Variants in SNTB1 observed in about 807,000 individuals in gnomAD.
SNTB1 encodes syntrophin beta 1.
Under a neutral mutation model 48.9 loss-of-function variants are expected in SNTB1, and 36 were observed. The ratio of observed to expected loss-of-function variants is 0.74; its 90% confidence interval spans 0.56 to 0.97. The LOEUF (loss-of-function observed/expected upper bound fraction) is 0.97. Ranked by LOEUF, SNTB1 falls within the 50% of genes least tolerant of loss-of-function variation. The pLI is 0.00. For synonymous variants in SNTB1, 299 were observed against 294.6 expected (o/e 1.01, Z -0.15); for missense variants, 786 against 703.4 (o/e 1.12, Z -1.33).
At chr8:120,765,692 C>G (rs1397181416) in intron 1 of SNTB1, 1 of 152,170 alleles carries the variant, frequency 6.6e-6, no homozygotes, top group Non-Finnish European at 1.5e-5. Context: ...CCCTCATGAC[C>G]TAAACACTAC....
chr8:120,688,119 A>G (rs746676783), intron 2 of SNTB1, among the ~76,000 whole-genome samples: 3 of 152,242 alleles, frequency 2.0e-5, no homozygotes, highest in African/African-American at 4.8e-5. Flanking sequence ...AGAGATGTAC[A>G]CTGTTTCCCA....
At chr8:120,809,177 T>C (rs1392013635) in intron 1 of SNTB1, among the ~76,000 whole-genome samples, 1 of 152,222 alleles carries the variant, frequency 6.6e-6, no homozygotes, top group African/African-American at 2.4e-5. Context: ...ACCATTGCAT[T>C]GAGAATGAAC....
intron 1 of SNTB1, among the ~76,000 whole-genome samples, chr8:120,777,885 A>C (rs565867537): frequency 6.6e-6 from 1 of 152,360 alleles, no homozygotes; most frequent in Non-Finnish European, 1.5e-5. Flanking sequence ...AGCACTGTTG[A>C]AAGTAACTGA....
At chr8:120,685,771 T>C (rs972709875) in intron 2 of SNTB1, among the ~76,000 whole-genome samples, 1 of 152,220 alleles carries the variant, frequency 6.6e-6, no homozygotes, top group Non-Finnish European at 1.5e-5. Context: ...TGATTATACA[T>C]TCCATTTTTA....
At chr8:120,744,253 C>T (rs1470597925) in intron 1 of SNTB1, among the ~76,000 whole-genome samples, 5 of 151,976 alleles carry the variant, frequency 3.3e-5, no homozygotes, top group Admixed American at 3.3e-4. Flanking sequence ...TGGAAGAGTA[C>T]ATCTACATCT....
intron 3 of SNTB1, among the ~76,000 whole-genome samples, chr8:120,594,711 G>A (rs879934399): frequency 2.0e-5 from 3 of 152,156 alleles, no homozygotes; most frequent in Non-Finnish European, 4.4e-5. Context: ...ATGATTTCAA[G>A]TGAATTATTT....
intron 1 of SNTB1, among the ~76,000 whole-genome samples, chr8:120,770,518 T>C (rs1819605894): frequency 6.6e-6 from 1 of 152,106 alleles, no homozygotes; most frequent in South Asian, 2.1e-4. Context: ...TCTTTGAAAG[T>C]ACACACCTTT....
intron 3 of SNTB1, among the ~76,000 whole-genome samples, chr8:120,593,581 G>A (rs937001536): frequency 8.5e-5 from 13 of 152,166 alleles, no homozygotes; most frequent in South Asian, 4.1e-4. Flanking sequence ...GAAGAAATGA[G>A]TCCATTTAAT....
At chr8:120,655,102 G>A in intron 2 of SNTB1, 1 of 320,800 alleles carries the variant, frequency 3.1e-6, no homozygotes, top group South Asian at 2.4e-5. Context: ...ACATTTTGGG[G>A]TGTTTTTATT....
intron 1 of SNTB1, among the ~76,000 whole-genome samples, chr8:120,698,870 A>G (rs1818256938): frequency 6.6e-6 from 1 of 152,174 alleles, no homozygotes; most frequent in African/African-American, 2.4e-5. Context: ...AGTGTCCTGA[A>G]ATTTCTATAC....
intron 2 of SNTB1, among the ~76,000 whole-genome samples, chr8:120,679,436 A>T (rs1817892817): frequency 6.6e-6 from 1 of 152,110 alleles, no homozygotes; most frequent in African/African-American, 2.4e-5. Context: ...GACATACCTG[A>T]CCTGAGTCCC....
chr8:120,699,006 T>C (rs1172960691), intron 1 of SNTB1, among the ~76,000 whole-genome samples: 1 of 152,182 alleles, frequency 6.6e-6, no homozygotes, highest in Non-Finnish European at 1.5e-5. Context: ...TGTTATTCAT[T>C]TGTCAAAAGT....
chr8:120,650,034 G>A (rs919468127), intron 2 of SNTB1, among the ~76,000 whole-genome samples: 5 of 152,104 alleles, frequency 3.3e-5, no homozygotes, highest in South Asian at 2.1e-4. Context: ...GCTCGCGCAC[G>A]GTGCACGCAC....
At chr8:120,543,699 A>G (rs58137769) in intron 5 of SNTB1, among the ~76,000 whole-genome samples, 4,158 of 152,244 alleles carry the variant, frequency 0.027, 181 homozygotes, top group African/African-American at 0.095. Flanking sequence ...TTCCGGGAAG[A>G]AATAGAGATT....
At position 120,811,546 on chromosome 8, in the gene SNTB1, C is replaced by A; in HGVS notation, c.298G>T (p.Glu100Ter). ...TTCGAGATGGACTCGGGCACCTGCTCGGGCAGGTCGGTGAAAGCGGTGCGG... is the reference window on the plus strand; with the variant it reads ...TTCGAGATGGACTCGGGCACCTGCTAGGGCAGGTCGGTGAAAGCGGTGCGG... The part of the protein sequence containing the change: ...GVRTAFTDLP[E>*]QVPESISNQK... The change falls in exon 1 of 7, where the codon GAG becomes TAG. Residue 100 changes from glutamate (E) to a stop codon, truncating the protein, a stop_gained. Coordinates refer to ENST00000517992, the MANE Select transcript of SNTB1 (RefSeq NM_021021.4). LOFTEE classifies it high-confidence loss of function. 1 of 1,602,054 alleles carries A rather than the reference C, an allele frequency of 6.2e-7. No homozygotes were observed. Among genetic ancestry groups the A allele is most frequent in the South Asian group, 1.1e-5 (1 of 89,592 alleles).
At chr8:120,562,971 C>G (rs1361808712) in intron 4 of SNTB1, among the ~76,000 whole-genome samples, 1 of 152,236 alleles carries the variant, frequency 6.6e-6, no homozygotes, top group Non-Finnish European at 1.5e-5. Context: ...TTCAGCATGC[C>G]TGGTTCCCAA....
chr8:120,617,234 T>C (rs969204262), intron 3 of SNTB1, among the ~76,000 whole-genome samples: 6 of 152,154 alleles, frequency 3.9e-5, no homozygotes, highest in Non-Finnish European at 8.8e-5. Flanking sequence ...CAGTGAGCTC[T>C]TACCATGTTA....
In SNTB1 at chr8:120,538,804, A is replaced by G; in HGVS notation, c.*73T>C. 1 of 1,219,700 alleles carries G rather than the reference A, an allele frequency of 8.2e-7. No homozygotes were observed. The highest frequency in any genetic ancestry group is 1.2e-5 in the South Asian group (1 of 82,996). 75.6% of individuals were successfully genotyped at this position (1,219,700 alleles called of 1,614,324 possible). A position where few individuals can be genotyped will look rare whatever the true frequency, so the allele number is the denominator to read the frequency against. On this transcript the variant is annotated 3_prime_UTR_variant, in exon 7 of 7. Coordinates refer to ENST00000517992, the MANE Select transcript of SNTB1 (RefSeq NM_021021.4). ...CTACATCTGGTGCGCTGCTCACTACAGATGGTGTCTGACATCACGTTCTCT... is the reference window on the plus strand; with the variant it reads ...CTACATCTGGTGCGCTGCTCACTACGGATGGTGTCTGACATCACGTTCTCT...
At chr8:120,551,863 A>C (rs542261932) in intron 4 of SNTB1, among the ~76,000 whole-genome samples, 1 of 152,126 alleles carries the variant, frequency 6.6e-6, no homozygotes, top group Non-Finnish European at 1.5e-5. Context: ...TTTTAAAAAT[A>C]TAATACCTAC....
Sources: allele counts gnomAD v4.1 joint callset (sites outside exome capture counted in the v4.1 genomes callset), GRCh38; gene constraint gnomAD v4.1.1; transcripts MANE v1.5; gene names NCBI Gene and HGNC (gene_info 2026-07-23, HGNC 2026-07-21).